The following SSPN variants were observed in gnomAD, a reference collection of about 807,000 sequenced individuals.
SSPN encodes K-ras oncogene-associated protein.
A neutral mutation model predicts 19.1 loss-of-function variants in SSPN; 15 were observed. The observed-to-expected ratio is 0.78, with a 90% CI of 0.52 to 1.21. The LOEUF (loss-of-function observed/expected upper bound fraction) is 1.21. SSPN is among the 50% of genes most tolerant of loss of function. SSPN has a pLI of 0.00. For missense variants in SSPN, 291 were observed against 314.0 expected, an observed-to-expected ratio of 0.93 and a Z score of 0.55; for synonymous variants, 147 against 140.3, an observed-to-expected ratio of 1.05 and a Z score of -0.34.
chr12:26,192,170 C>T (rs1042144191), upstream of SSPN, among the ~76,000 whole-genome samples: 1 of 152,158 alleles, frequency 6.6e-6, no homozygotes, highest in African/African-American at 2.4e-5. Context: ...TTTTCTCCCC[C>T]AAGAGGATCA....
At chr12:26,122,782 C>A in intron 1 of SSPN, 1 of 1,585,872 alleles carries the variant, frequency 6.3e-7, no homozygotes, top group Non-Finnish European at 8.5e-7. Flanking sequence ...GCCTCGGCTT[C>A]GCCGCCGTAG....
chr12:26,122,633 C>G, intron 1 of SSPN: 1 of 1,276,018 alleles, frequency 7.8e-7, no homozygotes. Context: ...CCGCGCCGCC[C>G]CCCGGGCCGC....
chr12:26,196,704 G>C (rs903875132), intron 1 of SSPN, among the ~76,000 whole-genome samples: 1 of 152,098 alleles, frequency 6.6e-6, no homozygotes, highest in Non-Finnish European at 1.5e-5. Flanking sequence ...CTGTGTGCTC[G>C]CCCTGCTAGA....
At chr12:26,124,928 A>G in intron 1 of SSPN, 1 of 821,110 alleles carries the variant, frequency 1.2e-6, no homozygotes, top group South Asian at 1.4e-5. Context: ...GAAAGTGTGA[A>G]GCAGTTGGTC....
Position 26,231,460 on chromosome 12 carries a change from T to G in SSPN, c.*384T>G. On this transcript the variant is annotated 3_prime_UTR_variant, in exon 3 of 3. Transcript: ENST00000242729. Reference sequence around the variant, plus strand: ...GTGAATGGTGAATTTCAGGCCCAGTTGCTAAATTTTGTGGCATCTTCCTCT... The same window carrying G: ...GTGAATGGTGAATTTCAGGCCCAGTGGCTAAATTTTGTGGCATCTTCCTCT... The G allele has an allele frequency of 5.7e-6, 1 of 175,416 alleles. No homozygotes were observed. Among genetic ancestry groups the G allele is most frequent in the Non-Finnish European group, 1.2e-5 (1 of 83,814 alleles). 10.9% of individuals were successfully genotyped at this position (175,416 alleles called of 1,614,324 possible). A position where few individuals can be genotyped will look rare whatever the true frequency, so the allele number is the denominator to read the frequency against.
chr12:26,125,037 G>C (rs1300139104), intron 1 of SSPN: 6 of 576,544 alleles, frequency 1.0e-5, no homozygotes, highest in Non-Finnish European at 1.9e-5. Flanking sequence ...GGCAGTGTTT[G>C]GCCACAGGGC....
intron 1 of SSPN, among the ~76,000 whole-genome samples, chr12:26,203,238 A>G (rs1385201073): frequency 6.6e-6 from 1 of 152,198 alleles, no homozygotes; most frequent in African/African-American, 2.4e-5. Flanking sequence ...TTAAACTTTA[A>G]TTAGGTATAA....
At chr12:26,195,466 T>G, upstream of SSPN, 2 of 892,818 alleles carry the variant, frequency 2.2e-6, no homozygotes, top group Non-Finnish European at 2.9e-6. Context: ...CCCGGCGCGT[T>G]GGCAGTTGGC....
At chr12:26,122,421 G>A in intron 1 of SSPN, 1 of 1,343,018 alleles carries the variant, frequency 7.4e-7, no homozygotes, top group Non-Finnish European at 9.6e-7. Context: ...GTCCAGGAAG[G>A]GCTGCACGTA....
chr12:26,166,767 T>C (rs999448140), intron 1 of SSPN, among the ~76,000 whole-genome samples: 1 of 152,226 alleles, frequency 6.6e-6, no homozygotes, highest in Non-Finnish European at 1.5e-5. Context: ...AGAGACCATA[T>C]AGCCTGCAAA....
chr12:26,209,641 T>G (rs1185202980), intron 1 of SSPN, among the ~76,000 whole-genome samples: 1 of 140,680 alleles, frequency 7.1e-6, no homozygotes, highest in Non-Finnish European at 1.6e-5. Flanking sequence ...ATGTTGTTAC[T>G]GATGTTATTT....
intron 1 of SSPN, chr12:26,122,320 C>CGGCTGCCGCCGG: frequency 8.5e-7 from 1 of 1,169,872 alleles, no homozygotes; most frequent in Non-Finnish European, 1.1e-6. Flanking sequence ...GCGGCTGCCG[C>CGGCTGCCGCCGG]GGCTGCCGCC....
At chr12:26,167,269 G>T (rs944735756) in intron 1 of SSPN, among the ~76,000 whole-genome samples, 3 of 152,112 alleles carry the variant, frequency 2.0e-5, no homozygotes, top group African/African-American at 7.2e-5. Flanking sequence ...CATATATTTT[G>T]TTGATTTTTT....
intron 1 of SSPN, among the ~76,000 whole-genome samples, chr12:26,172,963 C>T (rs978245112): frequency 6.6e-6 from 1 of 152,112 alleles, no homozygotes; most frequent in Non-Finnish European, 1.5e-5. Flanking sequence ...TTATCAACAG[C>T]CCTGAGGAGA....
chr12:26,161,107 CAAAAAA>C (rs35876807), intron 1 of SSPN, among the ~76,000 whole-genome samples: 7 of 97,898 alleles, frequency 7.2e-5, no homozygotes, highest in Admixed American at 1.1e-4. Context: ...GACTCTGTCT[CAAAAAA>C]AAAAAAAAAA....
intron 1 of SSPN, among the ~76,000 whole-genome samples, chr12:26,143,364 A>G (rs953669810): frequency 2.0e-5 from 3 of 152,214 alleles, no homozygotes; most frequent in African/African-American, 4.8e-5. Context: ...CTTTATACAC[A>G]TGATTTCATT....
intron 1 of SSPN, among the ~76,000 whole-genome samples, chr12:26,146,544 A>C (rs1944491747): frequency 6.6e-6 from 1 of 152,226 alleles, no homozygotes; most frequent in South Asian, 2.1e-4. Flanking sequence ...CTGGGACTCA[A>C]CAGTTCAGTG....
chr12:26,207,773 A>T (rs1377759222), intron 1 of SSPN, among the ~76,000 whole-genome samples: 1 of 152,168 alleles, frequency 6.6e-6, no homozygotes, highest in Non-Finnish European at 1.5e-5. Context: ...AGGCGGGAGG[A>T]TTGCTTGAGC....
chr12:26,230,062 A>G (rs1325161779), intron 2 of SSPN, among the ~76,000 whole-genome samples: 8 of 152,224 alleles, frequency 5.3e-5, no homozygotes, highest in African/African-American at 1.7e-4. Flanking sequence ...CAGGAATCAC[A>G]TGGTCGTTGT....
Sources: gnomAD v4.1 joint callset for allele counts (sites outside exome capture counted in the v4.1 genomes callset) on GRCh38, gnomAD v4.1.1 for gene constraint, MANE v1.5 for transcripts, NCBI Gene and HGNC (gene_info 2026-07-23, HGNC 2026-07-21) for gene names.